Variants in NLRP11 observed in about 807,000 individuals in gnomAD.
The protein encoded by NLRP11 is NLR family pyrin domain containing 11.
Under a neutral mutation model 79.3 loss-of-function variants are expected in NLRP11, and 53 were observed. That is an observed-to-expected ratio of 0.67 (90% CI 0.54 to 0.84). The LOEUF (loss-of-function observed/expected upper bound fraction) is 0.84. Ranked by LOEUF, NLRP11 falls within the 40% of genes least tolerant of loss-of-function variation. The probability of loss-of-function intolerance (pLI) is 0.00; values close to 1 mark genes in which losing one functional copy is unlikely to be tolerated. For missense variants in NLRP11, 1,264 were observed against 1,255.0 expected, an observed-to-expected ratio of 1.01 and a Z score of -0.11; for synonymous variants, 518 against 462.6, an observed-to-expected ratio of 1.12 and a Z score of -1.54.
intron 6 of NLRP11, among the ~76,000 whole-genome samples, chr19:55,793,961 T>C (rs932903741): frequency 4.6e-5 from 7 of 152,214 alleles, no homozygotes; most frequent in African/African-American, 9.6e-5. Flanking sequence ...GTCACGACCA[T>C]AAATTTGGCC....
At chr19:55,812,716 C>CT (rs1330863501) in intron 2 of NLRP11, among the ~76,000 whole-genome samples, 1 of 152,108 alleles carries the variant, frequency 6.6e-6, no homozygotes, top group Non-Finnish European at 1.5e-5. Flanking sequence ...TAGAACTACC[C>CT]TAGGACCCTG....
In NLRP11 at chr19:55,802,420, A is replaced by G. The variant is rs182466551; in HGVS notation, c.2004-681T>C. Among the ~76,000 whole-genome samples, 5 of 152,344 alleles carry G rather than the reference A, an allele frequency of 3.3e-5. No individual in the cohort carries two copies. The East Asian group carries it at 5.8e-4, about 18-fold the overall frequency. The stretch of plus-strand genomic sequence containing the variant: ...CCAAATCGGAAATGTAATTCTATCC[A>G]CAATTGCTCACAAAGAATACCTAGG... On this transcript the variant is annotated intron_variant, in intron 4 of 9. Transcript: ENST00000589093.
chr19:55,800,592 G>A (rs761409593), intron 5 of NLRP11, among the ~76,000 whole-genome samples: 6 of 152,120 alleles, frequency 3.9e-5, no homozygotes, highest in Non-Finnish European at 5.9e-5. Context: ...TGGGATTATA[G>A]GCATGAGCTA....
chr19:55,801,478 G>C, intron 5 of NLRP11, 94 bp downstream of exon 5: 1 of 905,538 alleles, frequency 1.1e-6, no homozygotes, highest in Non-Finnish European at 1.7e-6. Context: ...TCAAAAGGTA[G>C]GAGCAGGTAG....
chr19:55,816,114 T>A (rs551595893), intron 2 of NLRP11, among the ~76,000 whole-genome samples: 32 of 152,334 alleles, frequency 2.1e-4, no homozygotes, highest in African/African-American at 7.2e-4. Flanking sequence ...TTAGAGGAAT[T>A]TGAGGACCAA....
At chr19:55,804,457 G>A (rs953128379) in intron 4 of NLRP11, among the ~76,000 whole-genome samples, 6 of 151,170 alleles carry the variant, frequency 4.0e-5, no homozygotes, top group East Asian at 1.9e-4. Flanking sequence ...TTTTTGGCGG[G>A]GGCAGGAATA....
At chr19:55,808,795 T>C (rs772452367) in exon 3 of NLRP11, 1 of 1,610,128 alleles carries the variant, frequency 6.2e-7, no homozygotes, top group Non-Finnish European at 8.5e-7. Flanking sequence ...TAAGTGGCTC[T>C]TTGTTTTGAA....
Position 55,808,163 on chromosome 19 carries a change from G to A in NLRP11, c.1842-149C>T, listed in dbSNP as rs199476237. 181 of 541,902 alleles carry A rather than the reference G, an allele frequency of 3.3e-4. No homozygotes were observed. The highest frequency in any genetic ancestry group is 2.9e-3 in the African/African-American group (157 of 53,406). 33.6% of individuals were successfully genotyped at this position (541,902 alleles called of 1,614,324 possible). A position where few individuals can be genotyped will look rare whatever the true frequency, so the allele number is the denominator to read the frequency against. Reference sequence around the variant, plus strand: ...CAAGAAATAAAGTAGGGTCAAACATGAATGAACAACACTCAGATCCATTAA... The same window carrying A: ...CAAGAAATAAAGTAGGGTCAAACATAAATGAACAACACTCAGATCCATTAA... On this transcript the variant is annotated intron_variant, in intron 3 of 9. Coordinates refer to ENST00000589093, the Ensembl canonical transcript of NLRP11.
chr19:55,829,753 C>G (rs767414828), intron 1 of NLRP11, among the ~76,000 whole-genome samples: 1 of 150,898 alleles, frequency 6.6e-6, no homozygotes, highest in Non-Finnish European at 1.5e-5. Flanking sequence ...CTGTTTGAGT[C>G]TAAAGGTAAC....
At chr19:55,813,455 A>G (rs1434455420) in intron 2 of NLRP11, among the ~76,000 whole-genome samples, 1 of 152,202 alleles carries the variant, frequency 6.6e-6, no homozygotes, top group Non-Finnish European at 1.5e-5. Flanking sequence ...CCTGTCCCAA[A>G]TTCCAAAGCT....
intron 5 of NLRP11, among the ~76,000 whole-genome samples, chr19:55,798,531 G>A (rs1979162658): frequency 6.6e-6 from 1 of 152,068 alleles, no homozygotes; most frequent in African/African-American, 2.4e-5. Flanking sequence ...TCAGAGGATA[G>A]GATCAGAAAA....
Position 55,809,856 on chromosome 19 carries a change from T to G in NLRP11, c.754A>C (p.Lys252Gln), listed in dbSNP as rs779313424. Residue 252 changes from lysine to glutamine, a missense_variant, in exon 3 of 10, where the codon AAA becomes CAA. Lys to Gln is a moderately conservative substitution (Grantham distance 53, BLOSUM62 1). Coordinates refer to ENST00000589093, the Ensembl canonical transcript of NLRP11. This position sits in a 1 kb window ranked among gnomAD's most constrained non-coding sequence, Gnocchi z 4.5. ...ACCAGGAGAACTGGAATGGGAACTT[T>G]CTGGGTGCTGTTACTACACAAAGCA... 1.2e-6 allele frequency: 2 copies of G among 1,614,192 alleles called. No homozygotes were observed. Among genetic ancestry groups the G allele is most frequent in the South Asian group, 1.1e-5 (1 of 91,084 alleles).
At chr19:55,800,772 G>GAAAT (rs1979404852) in intron 5 of NLRP11, among the ~76,000 whole-genome samples, 2 of 152,188 alleles carry the variant, frequency 1.3e-5, no homozygotes, top group Non-Finnish European at 1.5e-5. Flanking sequence ...TGTTCTCTGT[G>GAAAT]AAATACTGGG....
rs753666116 is a variant in NLRP11, at chr19:55,818,094, C to T, written c.81G>A (p.Lys27=). The change falls in exon 2 of 10, where the codon AAG becomes AAA. Residue 27 remains lysine, a synonymous_variant. Coordinates refer to ENST00000589093, the Ensembl canonical transcript of NLRP11. Reference sequence around the variant, plus strand: ...CAAGAATCTTGCGTGCCAGATACTTCTTAAAACTCTGAAATTCCTTGTCAC... The same window carrying T: ...CAAGAATCTTGCGTGCCAGATACTTTTTAAAACTCTGAAATTCCTTGTCAC... 5.6e-6 allele frequency: 9 copies of T among 1,613,874 alleles called. No individual in the cohort carries two copies. The East Asian group carries it at 2.0e-4, about 36-fold the overall frequency.
chr19:55,799,504 T>A (rs2547273), intron 5 of NLRP11, among the ~76,000 whole-genome samples: 110,399 of 151,946 alleles, frequency 0.73, 40,263 homozygotes, highest in Admixed American at 0.84. Flanking sequence ...AATCAAGGTT[T>A]GGGAAAAACC....
chr19:55,792,591 C>G (rs1255482855), intron 6 of NLRP11, 120 bp from the exon 7 acceptor site: 1 of 672,134 alleles, frequency 1.5e-6, no homozygotes, highest in African/African-American at 1.8e-5. Flanking sequence ...CCCCAAATCT[C>G]TACCAATGAC....
intron 6 of NLRP11, 121 bp downstream of exon 6, chr19:55,795,959 G>T: frequency 1.2e-6 from 1 of 856,804 alleles, no homozygotes; most frequent in Non-Finnish European, 1.8e-6. Flanking sequence ...GAACTCCAAA[G>T]ACTGTGCTTT....
At chr19:55,817,657 C>T (rs1981265347) in intron 2 of NLRP11, among the ~76,000 whole-genome samples, 1 of 152,058 alleles carries the variant, frequency 6.6e-6, no homozygotes, top group Admixed American at 6.6e-5. Flanking sequence ...CATTGGACTA[C>T]AGGGACTCGG....
In NLRP11 at chr19:55,809,628, C is replaced by T. The variant is rs199664884; in HGVS notation, c.982G>A (p.Glu328Lys). The stretch of plus-strand genomic sequence containing the variant: ...CACAGACCCACGAGTATTTCATCCT[C>T]ATGTACAAGCTGGAGGGCTGCCGAC... Residue 328 changes from glutamate (E) to lysine (K), a missense_variant, in exon 3 of 10, where the codon GAG becomes AAG. By Grantham distance (56) the Glu-to-Lys change is moderately conservative (BLOSUM62 1). Coordinates refer to ENST00000589093, the Ensembl canonical transcript of NLRP11. This position sits in a 1 kb window ranked among gnomAD's most constrained non-coding sequence, Gnocchi z 4.5. 44 of 1,614,074 alleles carry T rather than the reference C, an allele frequency of 2.7e-5. No individual in the cohort carries two copies. The highest frequency in any genetic ancestry group is 3.4e-5 in the Non-Finnish European group (40 of 1,180,046).
Sources: allele counts gnomAD v4.1 joint callset (sites outside exome capture counted in the v4.1 genomes callset), GRCh38; gene constraint gnomAD v4.1.1; non-coding constraint Gnocchi (gnomAD v3.1); transcripts MANE v1.5; gene names NCBI Gene and HGNC (gene_info 2026-07-23, HGNC 2026-07-21).